Variants in ZPBP observed in about 807,000 individuals in gnomAD.
The protein encoded by ZPBP is zona pellucida-binding protein 1.
In ZPBP, 26 loss-of-function variants were observed where a neutral mutation model predicts 44.8. The observed-to-expected ratio is 0.58, with a 90% CI of 0.43 to 0.81. The LOEUF is 0.81. ZPBP is among the 30% of genes least tolerant of loss of function. The pLI is 0.00. For missense variants in ZPBP, 409 were observed against 434.0 expected (o/e 0.94, Z 0.51); for synonymous variants, 174 against 153.2 (o/e 1.14, Z -1.00).
chr7:49,950,719 A>AT (rs1009869536), intron 7 of ZPBP, among the ~76,000 whole-genome samples: 28 of 151,712 alleles, frequency 1.8e-4, no homozygotes, highest in Admixed American at 3.9e-4. Flanking sequence ...AATATTAGAG[A>AT]TTTTTTCATG....
At chr7:49,877,634 A>C (rs1199121342) in intron 2 of ZPBP, among the ~76,000 whole-genome samples, 1 of 146,654 alleles carries the variant, frequency 6.8e-6, no homozygotes, top group Non-Finnish European at 1.5e-5. Context: ...AAATGCTGTG[A>C]TTTATCTGAT....
intron 3 of ZPBP, among the ~76,000 whole-genome samples, chr7:50,075,393 T>C (rs1802031180): frequency 6.6e-6 from 1 of 151,518 alleles, no homozygotes; most frequent in Non-Finnish European, 1.5e-5. Context: ...AAACCCAAAA[T>C]TAGTAGAAGA....
rs527438091 is a variant in ZPBP, at chr7:49,909,864, G to A, written n.412-8649C>T. 1.1e-4 allele frequency among the ~76,000 whole-genome samples: 17 copies of A among 152,288 alleles called. No individual in the cohort carries two copies. The South Asian group carries it at 1.2e-3, about 11-fold the overall frequency. ...CATTCCTGTAATCCCAGCACTTTGG[G>A]AGGTCAAGGCGGGAGGATCTCTTGA... On this transcript the variant is annotated intron_variant and non_coding_transcript_variant, in intron 1 of 2. Transcript: ENST00000465922.
chr7:49,922,130 T>C (rs574970407), intron 1 of ZPBP, among the ~76,000 whole-genome samples: 2 of 152,214 alleles, frequency 1.3e-5, no homozygotes, highest in Non-Finnish European at 2.9e-5. Flanking sequence ...ATGTAACTTT[T>C]ATTTCTCTTA....
chr7:49,983,697 A>C (rs1403605077), intron 6 of ZPBP, among the ~76,000 whole-genome samples, 178 bp from the exon 7 acceptor site: 5 of 152,154 alleles, frequency 3.3e-5, no homozygotes, highest in Admixed American at 1.3e-4. Context: ...ATCTATAAAC[A>C]TCAAATATTT....
intron 4 of ZPBP, among the ~76,000 whole-genome samples, chr7:50,040,091 T>C (rs997616358): frequency 2.6e-5 from 4 of 152,014 alleles, no homozygotes; most frequent in Non-Finnish European, 5.9e-5. Context: ...ATGAAGAATA[T>C]GGAAACAAAA....
intron 3 of ZPBP, among the ~76,000 whole-genome samples, chr7:50,064,605 A>G (rs1801411571): frequency 6.6e-6 from 1 of 152,246 alleles, no homozygotes; most frequent in Non-Finnish European, 1.5e-5. Flanking sequence ...ATGCTGAGAA[A>G]AAGAATTAGA....
At chr7:50,051,723 A>G (rs975235576) in intron 4 of ZPBP, among the ~76,000 whole-genome samples, 1 of 152,094 alleles carries the variant, frequency 6.6e-6, no homozygotes, top group African/African-American at 2.4e-5. Flanking sequence ...AAAACCAAAC[A>G]CCACATATTC....
intron 6 of ZPBP, among the ~76,000 whole-genome samples, chr7:49,994,276 T>C (rs1456342320): frequency 4.6e-5 from 7 of 152,168 alleles, no homozygotes; most frequent in Admixed American, 4.6e-4. Flanking sequence ...TCCTGCATAT[T>C]GTTGAGAACC....
intron 6 of ZPBP, among the ~76,000 whole-genome samples, chr7:49,999,885 G>C (rs1012142824): frequency 9.9e-5 from 15 of 152,172 alleles, no homozygotes; most frequent in African/African-American, 3.4e-4. Flanking sequence ...GCCCAGTCAA[G>C]TTGACACATA....
chr7:49,949,915 T>C (rs1795264864), intron 7 of ZPBP, among the ~76,000 whole-genome samples: 2 of 151,978 alleles, frequency 1.3e-5, no homozygotes, highest in African/African-American at 4.8e-5. Flanking sequence ...CAGAGTTTCT[T>C]CCACCCTACT....
chr7:49,971,545 TA>T (rs763929722), intron 7 of ZPBP, among the ~76,000 whole-genome samples: 2 of 152,080 alleles, frequency 1.3e-5, no homozygotes, highest in Non-Finnish European at 2.9e-5. Flanking sequence ...ATATACTCTA[TA>T]AAAAATGACT....
chr7:50,078,532 C>A (rs1014289992), intron 3 of ZPBP, among the ~76,000 whole-genome samples: 1 of 150,492 alleles, frequency 6.6e-6, no homozygotes, highest in Non-Finnish European at 1.5e-5. Context: ...CTACTATGTA[C>A]CTAAAATTAA....
chr7:49,914,578 T>C (rs987946106), intron 1 of ZPBP: 4 of 152,304 alleles, frequency 2.6e-5, no homozygotes, highest in Admixed American at 2.6e-4. Flanking sequence ...ACTTGGATTT[T>C]TGACACTGTA....
At position 49,947,307 on chromosome 7, in the gene ZPBP, G is replaced by A. The variant is rs188907043; in HGVS notation, c.962-9685C>T. Among the ~76,000 whole-genome samples, 10 of 152,108 alleles carry A rather than the reference G, an allele frequency of 6.6e-5. 1 individual carries two copies. Among genetic ancestry groups the A allele is most frequent in the Middle Eastern group, 6.8e-3 (2 of 294 alleles). On this transcript the variant is annotated intron_variant, in intron 7 of 7. Transcript: ENST00000046087. ...GAGTCAGGTATTTATTGTGGTCTTC[G>A]CAGTCTGGGCTTTTATGTACCCATC...
At chr7:50,006,646 AT>A (rs1798325700) in intron 6 of ZPBP, among the ~76,000 whole-genome samples, 1 of 152,064 alleles carries the variant, frequency 6.6e-6, no homozygotes, top group Non-Finnish European at 1.5e-5. Flanking sequence ...AACCTAGAGA[AT>A]TAGAAAAAGA....
intron 4 of ZPBP, among the ~76,000 whole-genome samples, chr7:50,053,768 T>A (rs549027055): frequency 2.3e-4 from 35 of 152,340 alleles, no homozygotes; most frequent in African/African-American, 8.2e-4. Context: ...TCACAGGTTT[T>A]AAGTGTCTTA....
chr7:50,052,908 T>TTGG (rs1456270457), intron 4 of ZPBP, among the ~76,000 whole-genome samples: 2 of 152,110 alleles, frequency 1.3e-5, no homozygotes, highest in East Asian at 3.8e-4. Context: ...TGAGAGAAGA[T>TTGG]TGGTGGTTGC....
chr7:50,033,361 G>T (rs1173133266), intron 4 of ZPBP, among the ~76,000 whole-genome samples: 2 of 152,104 alleles, frequency 1.3e-5, no homozygotes. Context: ...CTGCTTTAAG[G>T]AACTAAAGGT....
Sources: allele counts gnomAD v4.1 joint callset (sites outside exome capture counted in the v4.1 genomes callset), GRCh38; gene constraint gnomAD v4.1.1; transcripts MANE v1.5; gene names NCBI Gene and HGNC (gene_info 2026-07-23, HGNC 2026-07-21).